Variants in PPP2R2B observed in about 807,000 individuals in gnomAD.
PPP2R2B encodes serine/threonine-protein phosphatase 2A 55 kDa regulatory subunit B beta isoform.
A neutral mutation model predicts 46.0 loss-of-function variants in PPP2R2B; 5 were observed. The observed-to-expected ratio is 0.11, with a 90% CI of 0.06 to 0.23. The LOEUF is 0.23. PPP2R2B is among the 10% of genes least tolerant of loss of function. The pLI is 1.00. For missense variants in PPP2R2B, 367 were observed against 575.0 expected (o/e 0.64, Z 3.70); for synonymous variants, 215 against 206.7 (o/e 1.04, Z -0.34).
intron 9 of PPP2R2B, chr5:146,592,059 A>G: frequency 2.4e-6 from 1 of 418,338 alleles, no homozygotes; most frequent in South Asian, 1.8e-5. Context: ...CTATAAATAA[A>G]TAATAAAATG....
At chr5:146,664,708 A>G (rs1776869558) in intron 5 of PPP2R2B, among the ~76,000 whole-genome samples, 1 of 152,140 alleles carries the variant, frequency 6.6e-6, no homozygotes, top group Admixed American at 6.5e-5. Context: ...TGCGTCCCAG[A>G]AGATGTTCAA....
chr5:146,720,120 T>C (rs1221146838), intron 2 of PPP2R2B, among the ~76,000 whole-genome samples: 1 of 152,230 alleles, frequency 6.6e-6, no homozygotes, highest in Admixed American at 6.5e-5. Context: ...TGGTCTTTAC[T>C]GTTGAGTGGT....
intron 7 of PPP2R2B, among the ~76,000 whole-genome samples, chr5:146,632,104 G>C (rs1175370026): frequency 8.4e-6 from 1 of 118,906 alleles, no homozygotes; most frequent in Non-Finnish European, 1.6e-5. Context: ...CTAACTCCCA[G>C]TACTGCAAAA....
chr5:146,601,707 A>T (rs1374700834), intron 7 of PPP2R2B, among the ~76,000 whole-genome samples: 1 of 152,184 alleles, frequency 6.6e-6, no homozygotes, highest in African/African-American at 2.4e-5. Flanking sequence ...AATTAACAAA[A>T]TTTCTAAATT....
At chr5:146,880,918 C>G (rs1048766222), upstream of PPP2R2B, among the ~76,000 whole-genome samples, 3 of 152,184 alleles carry the variant, frequency 2.0e-5, no homozygotes, top group Non-Finnish European at 2.9e-5. Flanking sequence ...ATTTGGCCAA[C>G]TACTCTTTTC....
chr5:146,600,174 G>A, intron 8 of PPP2R2B, 117 bp downstream of exon 8: 1 of 1,054,606 alleles, frequency 9.5e-7, no homozygotes, highest in South Asian at 1.6e-5. Context: ...TTTACTGAAT[G>A]TATCACCATG....
chr5:146,707,479 C>A, intron 2 of PPP2R2B: 2 of 748,108 alleles, frequency 2.7e-6, no homozygotes, highest in East Asian at 2.5e-5. Context: ...TGCTGCTGCC[C>A]ACTCAGGAGA....
At chr5:146,857,336 A>G (rs1387625749) in intron 2 of PPP2R2B, among the ~76,000 whole-genome samples, 4 of 152,146 alleles carry the variant, frequency 2.6e-5, no homozygotes. Flanking sequence ...GTGTAAGATT[A>G]AAAAAAATTA....
At chr5:146,735,153 G>A (rs1357877682) in intron 2 of PPP2R2B, among the ~76,000 whole-genome samples, 2 of 152,132 alleles carry the variant, frequency 1.3e-5, no homozygotes, top group Non-Finnish European at 2.9e-5. Flanking sequence ...CCAAGCCTCC[G>A]AGTGTGCCGA....
chr5:146,807,797 T>C (rs1212746264), intron 2 of PPP2R2B, among the ~76,000 whole-genome samples: 6 of 124,786 alleles, frequency 4.8e-5, no homozygotes, highest in African/African-American at 1.9e-4. Flanking sequence ...TTTTTTTTTT[T>C]TTTTTTTTTT....
intron 1 of PPP2R2B, among the ~76,000 whole-genome samples, chr5:146,956,973 C>G (rs1247148424): frequency 6.6e-6 from 1 of 152,114 alleles, no homozygotes; most frequent in Non-Finnish European, 1.5e-5. Context: ...AATACCATCG[C>G]TTGGGGGTTA....
rs115902820 is a variant in PPP2R2B, at chr5:146,690,762, G to A, written c.447+366C>T. ...AGGTCTGTTAGATTATTAAGTTTGTGTTCTGAATCACAAGACTGCAACTCG... is the reference window on the plus strand; with the variant it reads ...AGGTCTGTTAGATTATTAAGTTTGTATTCTGAATCACAAGACTGCAACTCG... On this transcript the variant is annotated intron_variant, in intron 5 of 9. Coordinates refer to ENST00000394411, the MANE Select transcript of PPP2R2B (RefSeq NM_181675.4). 3.2e-3 allele frequency among the ~76,000 whole-genome samples: 486 copies of A among 152,336 alleles called. 2 individuals carry two copies. Among genetic ancestry groups the A allele is most frequent in the Non-Finnish European group, 4.3e-3 (294 of 68,030 alleles).
intron 2 of PPP2R2B, among the ~76,000 whole-genome samples, chr5:146,742,572 G>T (rs1292469476): frequency 6.6e-6 from 1 of 152,062 alleles, no homozygotes; most frequent in Non-Finnish European, 1.5e-5. Context: ...ATTCTCTGCA[G>T]GGTAGAGAAT....
chr5:146,616,715 A>C (rs1773200652), intron 7 of PPP2R2B, among the ~76,000 whole-genome samples: 1 of 152,242 alleles, frequency 6.6e-6, no homozygotes, highest in Non-Finnish European at 1.5e-5. Flanking sequence ...TTCATCTAAA[A>C]GGCAATAATG....
intron 1 of PPP2R2B, among the ~76,000 whole-genome samples, chr5:146,972,639 G>A (rs1370564000): frequency 6.6e-6 from 1 of 152,118 alleles, no homozygotes; most frequent in Non-Finnish European, 1.5e-5. Context: ...TTGAACACGG[G>A]AGGCAGAGGT....
chr5:146,878,675 G>A lies in PPP2R2B; in HGVS notation c.-209C>T. On this transcript the variant is annotated 5_prime_UTR_variant, in exon 1 of 10. Transcript: ENST00000394411. The surrounding 1 kb of genome is among the most constrained non-coding windows in gnomAD (Gnocchi z 4.5). ...AAGCTGGCGGGGAGCTGGGCAGGGCGCTGCAGCCGGCGCCAGCGCACTCAC... is the reference window on the plus strand; with the variant it reads ...AAGCTGGCGGGGAGCTGGGCAGGGCACTGCAGCCGGCGCCAGCGCACTCAC... 1.6e-6 allele frequency: 2 copies of A among 1,284,826 alleles called. No individual in the cohort carries two copies. Among genetic ancestry groups the A allele is most frequent in the Admixed American group, 2.5e-5 (1 of 39,722 alleles). The allele number at this position is 1,284,826 out of a possible 1,614,324, so 79.6% of individuals were successfully genotyped here. A position where few individuals can be genotyped will look rare whatever the true frequency, so the allele number is the denominator to read the frequency against.
chr5:147,079,016 AG>A (rs1561617597), intron 2 of PPP2R2B, among the ~76,000 whole-genome samples: 1 of 151,922 alleles, frequency 6.6e-6, no homozygotes, highest in Non-Finnish European at 1.5e-5. Flanking sequence ...TTTTTAAAAA[AG>A]TTTCTAATGT....
At chr5:146,993,434 G>A (rs1176668494) in intron 1 of PPP2R2B, among the ~76,000 whole-genome samples, 2 of 150,446 alleles carry the variant, frequency 1.3e-5, no homozygotes, top group East Asian at 1.9e-4. Context: ...TAGAGATGGG[G>A]TTTTGCCATG....
chr5:146,989,830 A>T (rs1446345132), intron 1 of PPP2R2B, among the ~76,000 whole-genome samples: 5 of 152,002 alleles, frequency 3.3e-5, no homozygotes, highest in African/African-American at 1.2e-4. Context: ...AGATGACATG[A>T]CCATATACAT....
Sources: allele counts gnomAD v4.1 joint callset (sites outside exome capture counted in the v4.1 genomes callset), GRCh38; gene constraint gnomAD v4.1.1; non-coding constraint Gnocchi (gnomAD v3.1); transcripts MANE v1.5; gene names NCBI Gene and HGNC (gene_info 2026-07-23, HGNC 2026-07-21).